The following KIF6 variants were observed in gnomAD, a reference collection of about 807,000 sequenced individuals.
KIF6 encodes the protein kinesin-like protein KIF6.
A neutral mutation model predicts 112.7 loss-of-function variants in KIF6; 106 were observed. The observed-to-expected ratio is 0.94, with a 90% CI of 0.80 to 1.11. The LOEUF (loss-of-function observed/expected upper bound fraction) is 1.11. KIF6 is among the 50% of genes least tolerant of loss of function. KIF6 has a pLI of 0.00. For missense variants in KIF6, 929 were observed against 964.0 expected (o/e 0.96, Z 0.48); for synonymous variants, 339 against 339.9 (o/e 1.00, Z 0.03).
chr6:39,689,644 G>A (rs1236347898), intron 3 of KIF6, among the ~76,000 whole-genome samples: 1 of 151,706 alleles, frequency 6.6e-6, no homozygotes, highest in African/African-American at 2.4e-5. Flanking sequence ...TGTCACCCAG[G>A]CCCGTGCAGT....
intron 13 of KIF6, among the ~76,000 whole-genome samples, chr6:39,533,669 G>A (rs1036481401): frequency 2.0e-5 from 3 of 152,242 alleles, no homozygotes; most frequent in East Asian, 3.9e-4. Flanking sequence ...AACCTCTGCA[G>A]ACTTAAATGT....
intron 13 of KIF6, among the ~76,000 whole-genome samples, chr6:39,480,345 G>A (rs115180293): frequency 0.069 from 10,568 of 152,094 alleles, 558 homozygotes; most frequent in East Asian, 0.25. Flanking sequence ...TTTATATGGC[G>A]TATCATATTT....
At chr6:39,450,373 C>T (rs191293560) in intron 13 of KIF6, among the ~76,000 whole-genome samples, 25 of 152,272 alleles carry the variant, frequency 1.6e-4, no homozygotes, top group East Asian at 5.8e-4. Flanking sequence ...ATAGTCGATA[C>T]GGAAGGCAAG....
intron 10 of KIF6, among the ~76,000 whole-genome samples, chr6:39,571,726 C>T (rs1233383356): frequency 6.6e-6 from 1 of 152,190 alleles, no homozygotes; most frequent in Admixed American, 6.5e-5. Context: ...CATGAGGTCA[C>T]CATTCATCTG....
At chr6:39,637,992 T>C (rs532988201) in intron 4 of KIF6, among the ~76,000 whole-genome samples, 1 of 152,224 alleles carries the variant, frequency 6.6e-6, no homozygotes, top group South Asian at 2.1e-4. Flanking sequence ...TATACTTTAG[T>C]AACCATAGAT....
chr6:39,454,834 C>G (rs1179997261), intron 13 of KIF6, among the ~76,000 whole-genome samples: 1 of 152,250 alleles, frequency 6.6e-6, no homozygotes, highest in East Asian at 1.9e-4. Context: ...CGGCGCACCA[C>G]GAGACTATAT....
chr6:39,720,746 C>T lies in KIF6; in HGVS notation c.132G>A (p.Leu44=), dbSNP rs147204228. The part of the protein sequence containing the change: ...PSLEIILPRD[L]ADGFVNNKRE... Reference sequence around the variant, plus strand: ...GCTTATTATTCACAAACCCATCTGCCAAATCACGTGGTAAGATGATTTCCA... The same window carrying T: ...GCTTATTATTCACAAACCCATCTGCTAAATCACGTGGTAAGATGATTTCCA... Residue 44 remains leucine, a synonymous_variant, in exon 2 of 23, where the codon TTG becomes TTA. Transcript: ENST00000287152. 5.8e-4 allele frequency: 941 copies of T among 1,609,990 alleles called. No individual in the cohort carries two copies. Among genetic ancestry groups the T allele is most frequent in the Non-Finnish European group, 7.3e-4 (864 of 1,176,472 alleles).
chr6:39,358,367 G>A (rs1312869511), intron 18 of KIF6, among the ~76,000 whole-genome samples: 2 of 152,224 alleles, frequency 1.3e-5, no homozygotes, highest in East Asian at 1.9e-4. Flanking sequence ...CTGCTCAGGG[G>A]CAGCATGGAA....
rs905940027 is a variant in KIF6 at position 39,335,003 on chromosome 6, C to T, written c.*1529G>A. Reference sequence around the variant, plus strand: ...CAGAGTGACACCAGCCTGAGAAACACATCTGGGTTCTGGCTCGTCTACTCA... The same window carrying T: ...CAGAGTGACACCAGCCTGAGAAACATATCTGGGTTCTGGCTCGTCTACTCA... On this transcript the variant is annotated 3_prime_UTR_variant, in exon 23 of 23. Transcript: ENST00000287152. 3 of 152,190 alleles carry T rather than the reference C, an allele frequency of 2.0e-5. No individual in the cohort carries two copies. The highest frequency in any genetic ancestry group is 7.2e-5 in the African/African-American group (3 of 41,434). 9.4% of individuals were successfully genotyped at this position (152,190 alleles called of 1,614,324 possible).
At chr6:39,508,578 G>A (rs1377044806) in intron 13 of KIF6, among the ~76,000 whole-genome samples, 4 of 152,172 alleles carry the variant, frequency 2.6e-5, no homozygotes, top group African/African-American at 7.2e-5. Flanking sequence ...CTGGCTCGGT[G>A]GGTCCCATGC....
intron 4 of KIF6, among the ~76,000 whole-genome samples, chr6:39,635,657 A>G (rs1400360676): frequency 2.0e-5 from 3 of 152,052 alleles, no homozygotes; most frequent in African/African-American, 7.2e-5. Context: ...ATGCAATGAC[A>G]TAGGCATCAA....
intron 16 of KIF6, among the ~76,000 whole-genome samples, chr6:39,369,793 A>G (rs1765831427): frequency 6.6e-6 from 1 of 152,128 alleles, no homozygotes; most frequent in African/African-American, 2.4e-5. Context: ...TGAACTTGGC[A>G]TGGATCCTAT....
intron 15 of KIF6, among the ~76,000 whole-genome samples, chr6:39,417,939 TC>T (rs1770042714): frequency 6.6e-6 from 1 of 152,148 alleles, no homozygotes; most frequent in South Asian, 2.1e-4. Context: ...GACCACTGGG[TC>T]CCTTGAGGTA....
intron 13 of KIF6, among the ~76,000 whole-genome samples, chr6:39,493,352 G>A (rs1775587672): frequency 6.6e-6 from 1 of 152,202 alleles, no homozygotes; most frequent in African/African-American, 2.4e-5. Context: ...ACCTGCCCAA[G>A]GTTGTGTAAT....
intron 13 of KIF6, among the ~76,000 whole-genome samples, chr6:39,442,744 CGT>C (rs1771996825): frequency 6.6e-6 from 1 of 152,152 alleles, no homozygotes; most frequent in Non-Finnish European, 1.5e-5. Context: ...TGGAAGAACG[CGT>C]GTGTCTGAAT....
chr6:39,661,127 C>G (rs963743971), intron 3 of KIF6, among the ~76,000 whole-genome samples: 1 of 152,162 alleles, frequency 6.6e-6, no homozygotes, highest in Non-Finnish European at 1.5e-5. Flanking sequence ...AACTCACAAC[C>G]AGGCTGAAAA....
intron 3 of KIF6, among the ~76,000 whole-genome samples, chr6:39,711,847 A>G (rs889098664): frequency 7.9e-5 from 12 of 152,318 alleles, no homozygotes; most frequent in African/African-American, 2.6e-4. Flanking sequence ...TTGTAGAGGT[A>G]TAGGAGAGGC....
intron 3 of KIF6, among the ~76,000 whole-genome samples, chr6:39,696,766 G>A (rs543218712): frequency 2.6e-5 from 4 of 151,922 alleles, no homozygotes; most frequent in African/African-American, 9.6e-5. Context: ...GTGTGTGTGT[G>A]TACAGTGTAA....
intron 13 of KIF6, among the ~76,000 whole-genome samples, chr6:39,535,577 C>A (rs1272543022): frequency 6.6e-6 from 1 of 152,172 alleles, no homozygotes; most frequent in Non-Finnish European, 1.5e-5. Context: ...TCCTGAGTGA[C>A]CTATAAAGAG....
Sources: allele counts gnomAD v4.1 joint callset (sites outside exome capture counted in the v4.1 genomes callset), GRCh38; gene constraint gnomAD v4.1.1; transcripts MANE v1.5; gene names NCBI Gene and HGNC (gene_info 2026-07-23, HGNC 2026-07-21).